The following CCDC178 variants were observed in gnomAD, a reference collection of about 807,000 sequenced individuals.
CCDC178 encodes the protein coiled-coil domain containing 178, also known as coiled-coil domain-containing protein 178.
A neutral mutation model predicts 117.4 loss-of-function variants in CCDC178; 126 were observed. That is an observed-to-expected ratio of 1.07 (90% CI 0.93 to 1.24). The LOEUF (loss-of-function observed/expected upper bound fraction) is 1.24. Among genes scored for constraint, CCDC178 ranks in the 50% most tolerant of loss-of-function variants. The pLI, the probability that CCDC178 is intolerant of heterozygous loss-of-function variation, is 0.00. For synonymous variants in CCDC178, 283 were observed against 313.4 expected (o/e 0.90, Z 1.02); for missense variants, 1,030 against 986.9 (o/e 1.04, Z -0.59).
At chr18:33,419,215 A>C (rs1017170792) in intron 2 of CCDC178, among the ~76,000 whole-genome samples, 2 of 152,072 alleles carry the variant, frequency 1.3e-5, no homozygotes, top group African/African-American at 4.8e-5. Flanking sequence ...AATAAATAGT[A>C]CTGGGATAAC....
intron 20 of CCDC178, among the ~76,000 whole-genome samples, chr18:33,150,408 C>A (rs1430630926): frequency 6.6e-6 from 1 of 152,076 alleles, no homozygotes; most frequent in East Asian, 1.9e-4. Flanking sequence ...AACTAAAAAG[C>A]TTCTGCACAG....
intron 20 of CCDC178, among the ~76,000 whole-genome samples, chr18:33,158,335 G>A (rs1052660300): frequency 2.6e-5 from 4 of 151,976 alleles, no homozygotes; most frequent in Non-Finnish European, 4.4e-5. Flanking sequence ...CACAGAAAAC[G>A]TCTACCTTCA....
chr18:33,049,053 A>G (rs1310552471), intron 21 of CCDC178, among the ~76,000 whole-genome samples: 2 of 152,166 alleles, frequency 1.3e-5, no homozygotes, highest in Non-Finnish European at 2.9e-5. Flanking sequence ...ATGATTAAGT[A>G]TACCTTACCA....
intron 21 of CCDC178, among the ~76,000 whole-genome samples, chr18:33,074,240 C>A (rs903689070): frequency 2.6e-5 from 4 of 151,810 alleles, no homozygotes; most frequent in Non-Finnish European, 4.4e-5. Flanking sequence ...TTAAAGCATG[C>A]ACATCATAAG....
At chr18:33,033,744 C>T in intron 21 of CCDC178, among the ~76,000 whole-genome samples, 1 of 151,922 alleles carries the variant, frequency 6.6e-6, no homozygotes, top group East Asian at 1.9e-4. Flanking sequence ...CTTCTAATCC[C>T]ACTTAATCTG....
intron 18 of CCDC178, 52 bp downstream of exon 18, chr18:33,223,054 T>A: frequency 4.5e-6 from 6 of 1,323,438 alleles, no homozygotes; most frequent in Non-Finnish European, 5.2e-6. Flanking sequence ...TAGTTTTCAC[T>A]GACATACATA....
At chr18:33,342,527 A>C (rs1168367381) in intron 9 of CCDC178, among the ~76,000 whole-genome samples, 1 of 152,184 alleles carries the variant, frequency 6.6e-6, no homozygotes, top group Non-Finnish European at 1.5e-5. Context: ...TGAGAAGTGA[A>C]GGTATGCCAG....
intron 21 of CCDC178, among the ~76,000 whole-genome samples, chr18:33,024,824 T>C (rs964002344): frequency 2.4e-5 from 3 of 126,990 alleles, no homozygotes; most frequent in African/African-American, 8.2e-5. Context: ...TTTTTTTTTT[T>C]GTATTTTTAG....
chr18:32,995,270 C>A (rs1321066500), intron 21 of CCDC178, among the ~76,000 whole-genome samples: 1 of 152,114 alleles, frequency 6.6e-6, no homozygotes, highest in Non-Finnish European at 1.5e-5. Context: ...CTCTTAATGG[C>A]TTTCTTCTTT....
intron 6 of CCDC178, among the ~76,000 whole-genome samples, chr18:33,367,091 T>G (rs960348239): frequency 6.6e-6 from 1 of 152,082 alleles, no homozygotes; most frequent in African/African-American, 2.4e-5. Context: ...TTTTAAATAT[T>G]TAAAAAATTT....
intron 19 of CCDC178, among the ~76,000 whole-genome samples, chr18:33,213,246 G>A (rs972510335): frequency 6.6e-6 from 1 of 151,930 alleles, no homozygotes; most frequent in Admixed American, 6.6e-5. Context: ...TCAACATTAA[G>A]TACTCATTTT....
At chr18:33,404,779 A>G (rs1375131591) in intron 3 of CCDC178, among the ~76,000 whole-genome samples, 1 of 152,140 alleles carries the variant, frequency 6.6e-6, no homozygotes, top group African/African-American at 2.4e-5. Flanking sequence ...ATTCAGTCAT[A>G]CAAAGGAATT....
At chr18:33,342,381 A>G (rs2062828143) in intron 9 of CCDC178, among the ~76,000 whole-genome samples, 1 of 152,356 alleles carries the variant, frequency 6.6e-6, no homozygotes, top group African/African-American at 2.4e-5. Flanking sequence ...GCAAGATATG[A>G]TAGATATGTT....
rs569738026 is a variant in CCDC178 at position 33,050,974 on chromosome 18, G to A, written c.2388+41787C>T. Among the ~76,000 whole-genome samples the A allele has an allele frequency of 1.2e-4, 18 of 152,170 alleles. No individual in the cohort carries two copies. In the South Asian group the frequency reaches 1.5e-3, roughly 12 times the overall value. On this transcript the variant is annotated intron_variant, in intron 21 of 22. Transcript: ENST00000383096. ...GTCACTGAGGCTAGAGTGCAATGGC[G>A]CGATCTTGACACACTGCAACCTCCG...
chr18:33,266,171 C>A (rs531265337), intron 14 of CCDC178, among the ~76,000 whole-genome samples: 1 of 152,000 alleles, frequency 6.6e-6, no homozygotes, highest in East Asian at 1.9e-4. Context: ...TGGCGAATTC[C>A]AGATATAGAC....
At chr18:33,354,816 T>C (rs942406074) in intron 7 of CCDC178, among the ~76,000 whole-genome samples, 1 of 152,104 alleles carries the variant, frequency 6.6e-6, no homozygotes, top group Admixed American at 6.6e-5. Context: ...GGTTTCACCA[T>C]ATTGGCCAGG....
chr18:33,200,145 A>G (rs934989928), intron 20 of CCDC178, among the ~76,000 whole-genome samples: 3 of 152,186 alleles, frequency 2.0e-5, no homozygotes, highest in Non-Finnish European at 4.4e-5. Flanking sequence ...TTCTGTCTCC[A>G]ACTTATTACA....
intron 5 of CCDC178, among the ~76,000 whole-genome samples, chr18:33,379,479 G>A (rs1170575517): frequency 2.0e-5 from 3 of 152,028 alleles, no homozygotes; most frequent in Non-Finnish European, 4.4e-5. Flanking sequence ...GATGATTCCT[G>A]GAGTATACAG....
At chr18:33,334,968 C>T (rs561879790) in intron 9 of CCDC178, among the ~76,000 whole-genome samples, 20 of 152,014 alleles carry the variant, frequency 1.3e-4, no homozygotes, top group Non-Finnish European at 2.2e-4. Flanking sequence ...GTCGTCATCA[C>T]TATTAATCAT....
Sources: allele counts gnomAD v4.1 joint callset (sites outside exome capture counted in the v4.1 genomes callset), GRCh38; gene constraint gnomAD v4.1.1; transcripts MANE v1.5; gene names NCBI Gene and HGNC (gene_info 2026-07-23, HGNC 2026-07-21).